Variants in ATP9B observed in about 807,000 individuals in gnomAD.
The protein encoded by ATP9B is probable phospholipid-transporting ATPase IIB.
ATP9B carries 110 observed loss-of-function variants against 146.1 expected under a neutral mutation model. The ratio of observed to expected loss-of-function variants is 0.75; its 90% CI spans 0.65 to 0.88. ATP9B has a LOEUF of 0.88. Among genes scored for constraint, ATP9B ranks in the 40% least tolerant of loss-of-function variants. ATP9B has a pLI of 0.00. For missense variants in ATP9B, 1,499 were observed against 1,496.4 expected (o/e 1.00, Z -0.03); for synonymous variants, 604 against 569.7 (o/e 1.06, Z -0.86).
At chr18:79,204,724 T>G (rs2095518754) in intron 9 of ATP9B, among the ~76,000 whole-genome samples, 1 of 152,208 alleles carries the variant, frequency 6.6e-6, no homozygotes, top group Non-Finnish European at 1.5e-5. Context: ...CAGCACATAC[T>G]GTAGACAGAT....
Position 79,253,449 on chromosome 18 carries a change from C to T in ATP9B, c.1176C>T (p.Ser392=). 1 of 1,613,608 alleles carries T rather than the reference C, an allele frequency of 6.2e-7. No homozygotes were observed. Among genetic ancestry groups the T allele is most frequent in the South Asian group, 1.1e-5 (1 of 90,910 alleles). Reference sequence around the variant, plus strand: ...TATTTTTGGCTTTAGTTGCTCTTTCCATTGTTATGGTAACCTTACAAGGAT... The same window carrying T: ...TATTTTTGGCTTTAGTTGCTCTTTCTATTGTTATGGTAACCTTACAAGGAT... ...KALFLALVAL[S]IVMVTLQGFV... is the part of the protein sequence containing the mutation. Residue 392 remains serine (S), a synonymous_variant, in exon 12 of 30, where the codon TCC becomes TCT. Transcript: ENST00000426216.
intron 13 of ATP9B, among the ~76,000 whole-genome samples, chr18:79,278,743 G>A (rs746732396): frequency 1.7e-4 from 26 of 152,106 alleles, no homozygotes; most frequent in East Asian, 5.8e-4. Context: ...CCAGTGACTC[G>A]GAGAGCAATT....
chr18:79,126,823 A>T (rs960727748), intron 5 of ATP9B, among the ~76,000 whole-genome samples: 2 of 152,252 alleles, frequency 1.3e-5, no homozygotes, highest in Admixed American at 6.5e-5. Flanking sequence ...GTGATCCAAG[A>T]TGATAACTGA....
intron 29 of ATP9B, chr18:79,376,083 C>T: frequency 1.0e-6 from 1 of 984,728 alleles, no homozygotes; most frequent in Non-Finnish European, 1.2e-6. Flanking sequence ...CCTCTAAGAG[C>T]AGACCGGTCT....
intron 11 of ATP9B, among the ~76,000 whole-genome samples, chr18:79,218,274 G>A (rs1043971153): frequency 2.7e-5 from 4 of 146,050 alleles, no homozygotes; most frequent in South Asian, 2.2e-4. Context: ...TATTTTCCTC[G>A]TGTTCCGTGT....
intron 16 of ATP9B, among the ~76,000 whole-genome samples, chr18:79,329,791 G>GAA (rs2096780289): frequency 2.0e-5 from 3 of 152,168 alleles, no homozygotes; most frequent in African/African-American, 4.8e-5. Context: ...CAGACCTTCA[G>GAA]CCTAGCATCT....
intron 2 of ATP9B, among the ~76,000 whole-genome samples, chr18:79,097,578 A>T (rs58046749): frequency 9.4e-6 from 1 of 106,142 alleles, no homozygotes; most frequent in East Asian, 3.1e-4. Context: ...TCCTGTGTCC[A>T]TGTGATCTCA....
At chr18:79,142,435 GA>G (rs900461177) in intron 5 of ATP9B, among the ~76,000 whole-genome samples, 1 of 152,076 alleles carries the variant, frequency 6.6e-6, no homozygotes, top group African/African-American at 2.4e-5. Context: ...CAGAGAATGT[GA>G]AAAAAATAGA....
At chr18:79,119,058 G>A (rs1337146969) in intron 4 of ATP9B, among the ~76,000 whole-genome samples, 3 of 148,742 alleles carry the variant, frequency 2.0e-5, no homozygotes. Context: ...GTAACAGAGC[G>A]AGACCGTGTC....
Position 79,372,892 on chromosome 18 carries a change from G to C in ATP9B, c.3070+10G>C. ...ATAAGTATTTACCAAGGTAAGACGA[G>C]ATCCTTAGTTTACTGGACTAAAGAT... On this transcript the variant is annotated intron_variant, in intron 27 of 29. Coordinates refer to ENST00000426216, the MANE Select transcript of ATP9B (RefSeq NM_198531.5). 1 of 1,591,512 alleles carries C rather than the reference G, an allele frequency of 6.3e-7. No individual in the cohort carries two copies.
intron 13 of ATP9B, among the ~76,000 whole-genome samples, chr18:79,294,526 A>C (rs1182799848): frequency 6.6e-6 from 1 of 152,260 alleles, no homozygotes; most frequent in Non-Finnish European, 1.5e-5. Flanking sequence ...CCGTCAGTCC[A>C]GGTTCTTTAA....
chr18:79,345,446 G>A lies in ATP9B; in HGVS notation c.2491G>A (p.Glu831Lys), dbSNP rs764134089. The A allele has an allele frequency of 1.2e-5, 19 of 1,614,000 alleles. No individual in the cohort carries two copies. The highest frequency in any genetic ancestry group is 1.6e-5 in the Non-Finnish European group (19 of 1,180,030). The change falls in exon 22 of 30, where the codon GAG becomes AAG. Residue 831 changes from glutamate (E) to lysine (K), a missense_variant. Coordinates refer to ENST00000426216, the MANE Select transcript of ATP9B (RefSeq NM_198531.5). Reference sequence around the variant, plus strand: ...TTTCCAGGTTTGTCTAAAGTACTACGAGCATGAATTTGTGGAGCTGGCCTG... The same window carrying A: ...TTTCCAGGTTTGTCTAAAGTACTACAAGCATGAATTTGTGGAGCTGGCCTG... The part of the protein sequence containing the change: ...DSLEVCLKYY[E>K]HEFVELACQC...
At chr18:79,348,276 ACGTATATAG>A in intron 25 of ATP9B, 80 bp downstream of exon 25, 1 of 1,230,234 alleles carries the variant, frequency 8.1e-7, no homozygotes, top group Non-Finnish European at 1.2e-6. Flanking sequence ...AAAACAAAAA[ACGTATATAG>A]AAGATTCTTG....
chr18:79,154,376 A>G (rs926251571), intron 6 of ATP9B, 128 bp from the exon 7 acceptor site: 31 of 639,504 alleles, frequency 4.8e-5, no homozygotes, highest in Non-Finnish European at 8.0e-5. Flanking sequence ...AAATTGTGTT[A>G]GTTATTTCAG....
rs561555693 is a variant in ATP9B at position 79,100,383 on chromosome 18, G to A, written c.293+3734G>A. Among the ~76,000 whole-genome samples, 28 of 152,230 alleles carry A rather than the reference G, an allele frequency of 1.8e-4. No individual in the cohort carries two copies. The East Asian group carries it at 5.4e-3, about 29-fold the overall frequency. ...AGTTTCTAAACATCATTGTGGATGT[G>A]TCTTTCTTTTGGTTAATTTTGGAGT... On this transcript the variant is annotated intron_variant, in intron 2 of 29. Coordinates refer to ENST00000426216, the MANE Select transcript of ATP9B (RefSeq NM_198531.5).
At chr18:79,348,761 C>G (rs373141628) in intron 25 of ATP9B, among the ~76,000 whole-genome samples, 103 of 152,368 alleles carry the variant, frequency 6.8e-4, no homozygotes, top group Admixed American at 2.7e-3. Flanking sequence ...GTGGGTGGAT[C>G]ACCTGAGGTC....
intron 15 of ATP9B, among the ~76,000 whole-genome samples, chr18:79,308,332 A>G (rs1023956339): frequency 6.6e-6 from 1 of 152,212 alleles, no homozygotes; most frequent in Non-Finnish European, 1.5e-5. Context: ...AGACATGAGA[A>G]CAAAGACCCG....
intron 5 of ATP9B, 142 bp from the exon 6 acceptor site, chr18:79,143,660 C>T (rs1233346503): frequency 2.2e-6 from 1 of 464,336 alleles, no homozygotes; most frequent in Non-Finnish European, 3.8e-6. Flanking sequence ...TTATTAGTGA[C>T]TGTCTGAAAG....
At chr18:79,282,542 GCA>G (rs1371736380) in intron 13 of ATP9B, among the ~76,000 whole-genome samples, 1 of 152,184 alleles carries the variant, frequency 6.6e-6, no homozygotes, top group Admixed American at 6.5e-5. Flanking sequence ...ATGATTGTTA[GCA>G]CGTTTTAAAA....
Sources: allele counts gnomAD v4.1 joint callset (sites outside exome capture counted in the v4.1 genomes callset), GRCh38; gene constraint gnomAD v4.1.1; transcripts MANE v1.5; gene names NCBI Gene and HGNC (gene_info 2026-07-23, HGNC 2026-07-21).